Variants in COMMD10 observed in about 807,000 individuals in gnomAD.
COMMD10 encodes COMM domain-containing protein 10.
COMMD10 carries 33 observed loss-of-function variants against 28.9 expected under a neutral mutation model. The ratio of observed to expected loss-of-function variants is 1.14; its 90% CI spans 0.87 to 1.53. The LOEUF is 1.53. Among genes scored for constraint, COMMD10 ranks in the 40% most tolerant of loss-of-function variants. The probability of loss-of-function intolerance (pLI) is 0.00; values close to 1 mark genes in which losing one functional copy is unlikely to be tolerated. For synonymous variants in COMMD10, 110 were observed against 81.7 expected, an observed-to-expected ratio of 1.35 and a Z score of -1.87; for missense variants, 310 against 233.4, an observed-to-expected ratio of 1.33 and a Z score of -2.14.
intron 5 of COMMD10, among the ~76,000 whole-genome samples, chr5:116,226,512 A>G (rs1246881624): frequency 2.1e-5 from 3 of 144,316 alleles, no homozygotes; most frequent in Non-Finnish European, 4.5e-5. Context: ...TTAGTAGTGC[A>G]TTTAGAGTCA....
intron 5 of COMMD10, among the ~76,000 whole-genome samples, chr5:116,262,554 C>T (rs1750477277): frequency 6.6e-6 from 1 of 151,458 alleles, no homozygotes; most frequent in African/African-American, 2.4e-5. Context: ...GAATTTAGGG[C>T]CAGTTTTTTC....
intron 5 of COMMD10, among the ~76,000 whole-genome samples, chr5:116,209,011 GTC>G (rs1561668141): frequency 6.6e-6 from 1 of 151,946 alleles, no homozygotes; most frequent in African/African-American, 2.4e-5. Context: ...GCCAGATTCT[GTC>G]TCTCTTTTCT....
chr5:116,277,499 T>C (rs1474535916), intron 5 of COMMD10, among the ~76,000 whole-genome samples: 1 of 151,902 alleles, frequency 6.6e-6, no homozygotes, highest in African/African-American at 2.4e-5. Flanking sequence ...AAATTAGTTA[T>C]TGTACCTGCC....
chr5:116,262,107 A>G (rs1214956802), intron 5 of COMMD10, among the ~76,000 whole-genome samples: 1 of 151,654 alleles, frequency 6.6e-6, no homozygotes, highest in Non-Finnish European at 1.5e-5. Flanking sequence ...CAGGATTCAG[A>G]CACAGGCAGT....
At chr5:116,219,984 G>A (rs1480027146) in intron 5 of COMMD10, among the ~76,000 whole-genome samples, 1 of 151,604 alleles carries the variant, frequency 6.6e-6, no homozygotes, top group Non-Finnish European at 1.5e-5. Flanking sequence ...TTTTTATACT[G>A]TCTTTGTCAG....
chr5:116,199,287 G>C (rs1748604774), intron 5 of COMMD10, among the ~76,000 whole-genome samples: 1 of 151,888 alleles, frequency 6.6e-6, no homozygotes, highest in South Asian at 2.1e-4. Flanking sequence ...TAGGTTTTTG[G>C]CTCACTTTTA....
intron 4 of COMMD10, among the ~76,000 whole-genome samples, chr5:116,108,050 T>C (rs931887320): frequency 6.6e-6 from 1 of 152,234 alleles, no homozygotes; most frequent in Non-Finnish European, 1.5e-5. Context: ...CTGAAGCTTC[T>C]TTCCAGAGGG....
At chr5:116,221,251 A>G (rs929407224) in intron 5 of COMMD10, among the ~76,000 whole-genome samples, 12 of 152,056 alleles carry the variant, frequency 7.9e-5, no homozygotes, top group African/African-American at 2.4e-4. Context: ...CAACCAATCA[A>G]TGACCCCAAA....
intron 5 of COMMD10, among the ~76,000 whole-genome samples, chr5:116,284,338 A>G (rs985406181): frequency 3.3e-5 from 4 of 119,868 alleles, no homozygotes; most frequent in Admixed American, 9.0e-5. Flanking sequence ...GTGTGTGTGT[A>G]TGTATGTGTG....
chr5:116,254,707 T>G lies in COMMD10; in HGVS notation c.511-36810T>G, dbSNP rs1429502774. Among the ~76,000 whole-genome samples, 16 of 151,848 alleles carry G rather than the reference T, an allele frequency of 1.1e-4. 1 individual carries two copies. The highest frequency in any genetic ancestry group is 1.0e-3 in the Admixed American group (16 of 15,256). The stretch of plus-strand genomic sequence containing the variant: ...ATCTTTTACATTTGCTGAGGAGATC[T>G]TTACTTCCAAGTATGTGGTCAGTTT... On this transcript the variant is annotated intron_variant, in intron 5 of 6. Transcript: ENST00000274458.
At chr5:116,278,493 C>T (rs1750978285) in intron 5 of COMMD10, among the ~76,000 whole-genome samples, 1 of 151,806 alleles carries the variant, frequency 6.6e-6, no homozygotes, top group Non-Finnish European at 1.5e-5. Flanking sequence ...GATGATATGA[C>T]TGCCAAGCAT....
intron 5 of COMMD10, among the ~76,000 whole-genome samples, chr5:116,276,872 G>A (rs1401833437): frequency 6.6e-6 from 1 of 151,690 alleles, no homozygotes; most frequent in South Asian, 2.1e-4. Flanking sequence ...GGGAGCAGGG[G>A]GTAAGACAGG....
At chr5:116,203,535 G>A (rs545859192) in intron 5 of COMMD10, among the ~76,000 whole-genome samples, 5 of 151,992 alleles carry the variant, frequency 3.3e-5, no homozygotes, top group East Asian at 3.9e-4. Flanking sequence ...GACTAACAGC[G>A]GATCTCTCGG....
intron 5 of COMMD10, among the ~76,000 whole-genome samples, chr5:116,182,729 G>A (rs4301260): frequency 0.31 from 47,592 of 151,824 alleles, 10,333 homozygotes; most frequent in African/African-American, 0.62. Context: ...AAAAAATCAG[G>A]TTGTCCAGAA....
intron 4 of COMMD10, among the ~76,000 whole-genome samples, chr5:116,132,715 A>G (rs1377477086): frequency 6.6e-6 from 1 of 152,102 alleles, no homozygotes; most frequent in Non-Finnish European, 1.5e-5. Context: ...TTCCTATTTT[A>G]TTGGAGAGTC....
chr5:116,249,432 A>G (rs191105934), intron 5 of COMMD10, among the ~76,000 whole-genome samples: 12 of 152,068 alleles, frequency 7.9e-5, no homozygotes, highest in African/African-American at 2.9e-4. Flanking sequence ...TTGCATCACA[A>G]TGATTTTGAA....
chr5:116,128,839 T>A (rs1345190749), intron 4 of COMMD10, among the ~76,000 whole-genome samples: 1 of 152,048 alleles, frequency 6.6e-6, no homozygotes, highest in African/African-American at 2.4e-5. Context: ...CTGTTGTTAA[T>A]TCATGATCAG....
chr5:116,110,250 A>C (rs1422653750), intron 4 of COMMD10, among the ~76,000 whole-genome samples: 2 of 152,080 alleles, frequency 1.3e-5, no homozygotes, highest in Non-Finnish European at 2.9e-5. Context: ...TATCTTTTTA[A>C]TATGCTGTTG....
Position 116,268,407 on chromosome 5 carries a change from T to C in COMMD10, c.511-23110T>C, listed in dbSNP as rs979691603. ...AAATCAAAACCACAATGAGATACCA[T>C]CTCATACCAGTTAGAATGGCAATCA... On this transcript the variant is annotated intron_variant, in intron 5 of 6. Coordinates refer to ENST00000274458, the MANE Select transcript of COMMD10 (RefSeq NM_016144.4). Among the ~76,000 whole-genome samples, 15 of 151,736 alleles carry C rather than the reference T, an allele frequency of 9.9e-5. 1 individual carries two copies. Among genetic ancestry groups the C allele is most frequent in the Non-Finnish European group, 1.2e-4 (8 of 68,014 alleles).
Sources: allele counts gnomAD v4.1 joint callset (sites outside exome capture counted in the v4.1 genomes callset), GRCh38; gene constraint gnomAD v4.1.1; transcripts MANE v1.5; gene names NCBI Gene and HGNC (gene_info 2026-07-23, HGNC 2026-07-21).